Variants in SLMAP observed in about 807,000 individuals in gnomAD.
SLMAP encodes sarcolemmal membrane-associated protein.
Under a neutral mutation model 128.8 loss-of-function variants are expected in SLMAP, and 44 were observed. The observed-to-expected ratio is 0.34, with a 90% CI of 0.27 to 0.44. The LOEUF (loss-of-function observed/expected upper bound fraction) is 0.44, where lower values mean the gene tolerates loss of function less well. Ranked by LOEUF, SLMAP falls within the 20% of genes least tolerant of loss-of-function variation. The probability of loss-of-function intolerance (pLI) is 1.00; values close to 1 mark genes in which losing one functional copy is unlikely to be tolerated. For missense variants in SLMAP, 787 were observed against 985.3 expected, an observed-to-expected ratio of 0.80 and a Z score of 2.69; for synonymous variants, 327 against 348.8, an observed-to-expected ratio of 0.94 and a Z score of 0.70.
At chr3:57,866,395 TG>T (rs1351476908) in intron 13 of SLMAP, among the ~76,000 whole-genome samples, 1 of 152,176 alleles carries the variant, frequency 6.6e-6, no homozygotes, top group African/African-American at 2.4e-5. Context: ...GGTTCTTTTT[TG>T]GTTTGGTTTT....
chr3:57,855,078 TA>T (rs1249865619), intron 6 of SLMAP, among the ~76,000 whole-genome samples: 1 of 151,868 alleles, frequency 6.6e-6, no homozygotes, highest in Non-Finnish European at 1.5e-5. Context: ...AAAGGTACAG[TA>T]AAAATAACAG....
Position 57,869,630 on chromosome 3 carries a change from TTATATATATA to T in SLMAP, c.1238-1985_1238-1976del, listed in dbSNP as rs55916379. On this transcript the variant is annotated intron_variant, in intron 13 of 24. Coordinates refer to ENST00000671191, the MANE Select transcript of SLMAP (RefSeq NM_001377540.1). ...ACAACATAGCAAGATCCCATCTCTA[TTATATATATA>T]TATATATATATATATATATAATATA... Among the ~76,000 whole-genome samples, 387 of 75,462 alleles carry T rather than the reference TTATATATATA, an allele frequency of 5.1e-3. 19 individuals are homozygous for T. Among genetic ancestry groups the T allele is most frequent in the African/African-American group, 0.016 (318 of 19,834 alleles). The allele number at this position is 75,462 out of a possible 152,430, so 49.5% of individuals were successfully genotyped here. A position where few individuals can be genotyped will look rare whatever the true frequency, so the allele number is the denominator to read the frequency against.
chr3:57,839,665 G>A (rs755028613), intron 3 of SLMAP, among the ~76,000 whole-genome samples: 12 of 151,698 alleles, frequency 7.9e-5, no homozygotes, highest in Non-Finnish European at 1.5e-4. Flanking sequence ...GTGCAGTGGC[G>A]TGATCTTGGC....
chr3:57,823,119 G>A (rs1258014866), intron 2 of SLMAP, among the ~76,000 whole-genome samples: 1 of 152,154 alleles, frequency 6.6e-6, no homozygotes, highest in African/African-American at 2.4e-5. Context: ...CCATTGCTGG[G>A]GGGAAAAATG....
At chr3:57,912,322 C>A in intron 19 of SLMAP, 59 bp from the exon 20 acceptor site, 1 of 1,456,106 alleles carries the variant, frequency 6.9e-7, no homozygotes, top group South Asian at 1.2e-5. Context: ...AGCTACAATC[C>A]TGTATGGATT....
At chr3:57,834,507 G>A (rs1326070652) in intron 3 of SLMAP, among the ~76,000 whole-genome samples, 1 of 152,038 alleles carries the variant, frequency 6.6e-6, no homozygotes. Context: ...AGAGTAAATT[G>A]ATGTTTTCCT....
In SLMAP at chr3:57,928,949, G is replaced by A. The variant is rs1265207887; in HGVS notation, c.*1660G>A. 6.6e-6 allele frequency: 1 copy of A among 152,546 alleles called. No homozygotes were observed. The highest frequency in any genetic ancestry group is 1.5e-5 in the Non-Finnish European group (1 of 67,990). The allele number at this position is 152,546 out of a possible 1,614,324, so 9.4% of individuals were successfully genotyped here. A position where few individuals can be genotyped will look rare whatever the true frequency, so the allele number is the denominator to read the frequency against. On this transcript the variant is annotated 3_prime_UTR_variant, in exon 25 of 25. Coordinates refer to ENST00000671191, the MANE Select transcript of SLMAP (RefSeq NM_001377540.1). ...GCAGGAAGCCACTCCACCACAGAAT[G>A]CTAATATGCCAGTGGTACCCAGTAC...
intron 2 of SLMAP, among the ~76,000 whole-genome samples, chr3:57,823,570 T>C (rs552075459): frequency 6.6e-6 from 1 of 152,360 alleles, no homozygotes; most frequent in South Asian, 2.1e-4. Context: ...TATCGCTGCA[T>C]AGTATTCCAT....
chr3:57,802,364 G>A (rs1473853631), intron 2 of SLMAP, among the ~76,000 whole-genome samples: 2 of 151,650 alleles, frequency 1.3e-5, no homozygotes, highest in East Asian at 1.9e-4. Flanking sequence ...TGCAACCTCC[G>A]TCTCCTGGGT....
At chr3:57,909,658 G>A (rs1350551808) in intron 19 of SLMAP, among the ~76,000 whole-genome samples, 1 of 151,948 alleles carries the variant, frequency 6.6e-6, no homozygotes, top group Non-Finnish European at 1.5e-5. Flanking sequence ...TGTTGCCCAG[G>A]CTGGAGTACA....
chr3:57,780,980 A>G (rs948502456), intron 2 of SLMAP, among the ~76,000 whole-genome samples: 2 of 149,736 alleles, frequency 1.3e-5, no homozygotes, highest in Non-Finnish European at 2.9e-5. Context: ...ATACATACAC[A>G]TATATATATA....
chr3:57,890,177 GTA>G, intron 15 of SLMAP, 77 bp downstream of exon 15: 1 of 1,411,122 alleles, frequency 7.1e-7, no homozygotes, highest in South Asian at 1.2e-5. Flanking sequence ...CAAGGTTATA[GTA>G]TTTTAACCAT....
chr3:57,910,827 A>G (rs2096676083), intron 19 of SLMAP, among the ~76,000 whole-genome samples: 2 of 152,238 alleles, frequency 1.3e-5, no homozygotes, highest in Non-Finnish European at 2.9e-5. Context: ...TAAATAGACA[A>G]GTAATCACTA....
At chr3:57,877,714 T>C (rs1054792197) in intron 14 of SLMAP, among the ~76,000 whole-genome samples, 2 of 152,116 alleles carry the variant, frequency 1.3e-5, no homozygotes, top group Non-Finnish European at 2.9e-5. Context: ...TACATGCCAG[T>C]GGTGTTTTGG....
intron 2 of SLMAP, among the ~76,000 whole-genome samples, chr3:57,778,550 AG>A (rs1208455432): frequency 1.7e-4 from 19 of 110,858 alleles, no homozygotes; most frequent in African/African-American, 5.9e-4. Flanking sequence ...CTCTTTTTCT[AG>A]TTTCTCTTTT....
chr3:57,924,243 C>A (rs1275390849), intron 23 of SLMAP, among the ~76,000 whole-genome samples: 2 of 152,082 alleles, frequency 1.3e-5, no homozygotes, highest in African/African-American at 4.8e-5. Flanking sequence ...TGATATTGCA[C>A]CTATGGTATT....
chr3:57,860,764 G>C lies in SLMAP; in HGVS notation c.753G>C (p.Glu251Asp). Residue 251 changes from glutamate to aspartate, a missense_variant, in exon 9 of 25, where the codon GAG (glutamate) becomes GAC (aspartate). By Grantham distance (45) the Glu-to-Asp change is conservative. This residue lies in a region of SLMAP where 715 missense variants were observed against 843.6 expected (regional missense o/e 0.85). Coordinates refer to ENST00000671191, the MANE Select transcript of SLMAP (RefSeq NM_001377540.1). ...TACAAGAGGATAAACATAACTATGAGACAACAGCCAAAGAGTCCCTGAGGC... is the reference window on the plus strand; with the variant it reads ...TACAAGAGGATAAACATAACTATGACACAACAGCCAAAGAGTCCCTGAGGC... ...IALQEDKHNY[E>D]TTAKESLRRV... is the part of the protein sequence containing the mutation. 1.9e-6 allele frequency: 3 copies of C among 1,598,458 alleles called. No individual in the cohort carries two copies. Among genetic ancestry groups the C allele is most frequent in the Non-Finnish European group, 2.6e-6 (3 of 1,175,974 alleles).
intron 14 of SLMAP, among the ~76,000 whole-genome samples, chr3:57,877,439 A>C (rs571589713): frequency 6.6e-6 from 1 of 152,152 alleles, no homozygotes; most frequent in Non-Finnish European, 1.5e-5. Flanking sequence ...GTAAACTTTT[A>C]TTTCTCTAAG....
In SLMAP at chr3:57,871,707, A is replaced by G. The variant is rs762281289; in HGVS notation, c.1300+9A>G. On this transcript the variant is annotated intron_variant, in intron 14 of 24. Coordinates refer to ENST00000671191, the MANE Select transcript of SLMAP (RefSeq NM_001377540.1). ...ATTCATAGAATGCCAGAGTGAGTAC[A>G]GAGTATTTTTCACATTGATTTTAAT... 4 of 1,601,900 alleles carry G rather than the reference A, an allele frequency of 2.5e-6. No individual in the cohort carries two copies. The South Asian group carries it at 4.4e-5, about 18-fold the overall frequency.
Sources: gnomAD v4.1 joint callset for allele counts (sites outside exome capture counted in the v4.1 genomes callset) on GRCh38, gnomAD v4.1.1 for gene constraint, gnomAD v4.1.1 regional missense constraint, MANE v1.5 for transcripts, NCBI Gene and HGNC (gene_info 2026-07-23, HGNC 2026-07-21) for gene names.